Variants in TMOD3 observed in about 807,000 individuals in gnomAD.
TMOD3 encodes the protein tropomodulin-3.
A neutral mutation model predicts 39.2 loss-of-function variants in TMOD3; 20 were observed. The observed-to-expected ratio is 0.51, with a 90% CI of 0.36 to 0.74. TMOD3 has a LOEUF of 0.74. TMOD3 is among the 30% of genes least tolerant of loss of function. The pLI, the probability that TMOD3 is intolerant of heterozygous loss-of-function variation, is 0.00. For missense variants in TMOD3, 381 were observed against 412.8 expected (o/e 0.92, Z 0.67); for synonymous variants, 143 against 145.8 (o/e 0.98, Z 0.14).
intron 1 of TMOD3, among the ~76,000 whole-genome samples, chr15:51,832,203 T>TTATATATATATATATATATATATATA (rs3985812): frequency 0.014 from 1,096 of 78,740 alleles, 55 homozygotes; most frequent in Non-Finnish European, 0.019. Context: ...AGAAAAAAAA[T>TTATATATATATATATATATATATATA]TATATATATA....
In TMOD3 at chr15:51,888,066, A is replaced by G. The variant is rs576899693; in HGVS notation, c.406+355A>G. Among the ~76,000 whole-genome samples the G allele has an allele frequency of 1.2e-4, 19 of 152,368 alleles. No individual in the cohort carries two copies. In the East Asian group the frequency reaches 2.3e-3, roughly 19 times the overall value. ...AGTCTTCAGGGTCAACCGCTGACCTACTTTATCAGAAGACCGAGAGATGAG... is the reference window on the plus strand; with the variant it reads ...AGTCTTCAGGGTCAACCGCTGACCTGCTTTATCAGAAGACCGAGAGATGAG... On this transcript the variant is annotated intron_variant, in intron 4 of 9. Transcript: ENST00000308580.
rs759399045 is a variant in TMOD3 at position 51,869,364 on chromosome 15, GA to G, written c.282del (p.Ile97TyrfsTer23). The G allele has an allele frequency of 3.7e-6, 6 of 1,602,342 alleles. No homozygotes were observed. Among genetic ancestry groups the G allele is most frequent in the South Asian group, 3.4e-5 (3 of 88,334 alleles). ...DREDYVPYTG[E>X]KKGKIFIPKQ... ...GGAAGACTATGTGCCCTACACTGGA[GA>G]AAAAAAAGGTAAGCCCCAGAATTTT... On this transcript the variant is annotated frameshift_variant, in exon 3 of 10. Transcript: ENST00000308580. LOFTEE classifies it high-confidence loss of function.
At chr15:51,893,294 C>CAAAAAAAAAAA (rs59321162) in intron 5 of TMOD3, among the ~76,000 whole-genome samples, 2 of 58,992 alleles carry the variant, frequency 3.4e-5, no homozygotes, top group Non-Finnish European at 5.8e-5. Flanking sequence ...GACTCCATCT[C>CAAAAAAAAAAA]AAAAAAAAAA....
At chr15:51,877,892 GT>G (rs918051724) in intron 3 of TMOD3, among the ~76,000 whole-genome samples, 94 of 148,076 alleles carry the variant, frequency 6.3e-4, no homozygotes, top group South Asian at 2.4e-3. Context: ...GCTTTCAGAA[GT>G]TTTTTTTTTT....
intron 3 of TMOD3, among the ~76,000 whole-genome samples, chr15:51,881,799 G>C (rs2593193): frequency 1.3e-5 from 2 of 151,594 alleles, no homozygotes; most frequent in Non-Finnish European, 2.9e-5. Flanking sequence ...CCTGACCTTA[G>C]GTGATCTGCC....
At chr15:51,896,289 G>C in intron 6 of TMOD3, 130 bp from the exon 7 acceptor site, 1 of 617,580 alleles carries the variant, frequency 1.6e-6, no homozygotes, top group South Asian at 2.2e-5. Flanking sequence ...TTCATTTGTA[G>C]ACTAATTCTT....
At chr15:51,864,734 G>T (rs2554330) in intron 2 of TMOD3, among the ~76,000 whole-genome samples, 7,419 of 152,184 alleles carry the variant, frequency 0.049, 417 homozygotes, top group African/African-American at 0.12. Flanking sequence ...CAGGCTCAGG[G>T]CTATGTAACT....
intron 3 of TMOD3, among the ~76,000 whole-genome samples, chr15:51,886,643 G>A (rs1305995411): frequency 6.6e-6 from 1 of 152,106 alleles, no homozygotes; most frequent in Non-Finnish European, 1.5e-5. Context: ...CTGGGCATCA[G>A]AGGGAGACCG....
At chr15:51,848,608 A>G (rs1333320272) in intron 1 of TMOD3, among the ~76,000 whole-genome samples, 1 of 152,224 alleles carries the variant, frequency 6.6e-6, no homozygotes, top group Non-Finnish European at 1.5e-5. Flanking sequence ...ATTGAAGCAG[A>G]TACTTGGGAA....
intron 3 of TMOD3, among the ~76,000 whole-genome samples, chr15:51,875,860 C>T (rs1381869516): frequency 1.3e-5 from 2 of 152,100 alleles, no homozygotes; most frequent in East Asian, 3.9e-4. Context: ...CCTCGTGATC[C>T]ACCCACCTTG....
chr15:51,859,543 T>C, intron 1 of TMOD3: 1 of 621,166 alleles, frequency 1.6e-6, no homozygotes, highest in Non-Finnish European at 3.1e-6. Flanking sequence ...TCCAGGTACT[T>C]ATCCTTCAGG....
At chr15:51,878,949 C>G (rs2056518922) in intron 3 of TMOD3, among the ~76,000 whole-genome samples, 1 of 152,296 alleles carries the variant, frequency 6.6e-6, no homozygotes, top group South Asian at 2.1e-4. Flanking sequence ...TTTATATACT[C>G]AGCAAGGGTG....
intron 3 of TMOD3, among the ~76,000 whole-genome samples, chr15:51,887,124 G>C (rs2056568550): frequency 6.6e-6 from 1 of 151,590 alleles, no homozygotes; most frequent in South Asian, 2.1e-4. Flanking sequence ...GAGGCTGAGA[G>C]GCAGAAGAAT....
intron 9 of TMOD3, among the ~76,000 whole-genome samples, chr15:51,906,010 A>C (rs1282569139): frequency 6.7e-6 from 1 of 149,544 alleles, no homozygotes; most frequent in Non-Finnish European, 1.5e-5. Flanking sequence ...AGAATTGTTA[A>C]TAGGGCAAAA....
At chr15:51,881,859 T>C (rs1322058122) in intron 3 of TMOD3, among the ~76,000 whole-genome samples, 1 of 152,000 alleles carries the variant, frequency 6.6e-6, no homozygotes, top group African/African-American at 2.4e-5. Context: ...CCTAAGAGTT[T>C]TATAGTTTAG....
intron 5 of TMOD3, among the ~76,000 whole-genome samples, chr15:51,891,647 C>T (rs1298064206): frequency 3.3e-5 from 5 of 152,160 alleles, no homozygotes; most frequent in African/African-American, 1.2e-4. Flanking sequence ...AGATTTCTCT[C>T]CCCATTCCAT....
At chr15:51,879,443 T>G (rs1236641848) in intron 3 of TMOD3, among the ~76,000 whole-genome samples, 8 of 152,114 alleles carry the variant, frequency 5.3e-5, no homozygotes, top group Admixed American at 5.2e-4. Context: ...ATTTGAGTTT[T>G]GGATTTTGCT....
At chr15:51,879,327 G>A (rs1378774355) in intron 3 of TMOD3, among the ~76,000 whole-genome samples, 2 of 151,524 alleles carry the variant, frequency 1.3e-5, no homozygotes, top group Non-Finnish European at 2.9e-5. Flanking sequence ...GGGGGTGGGG[G>A]ATGTATCATT....
intron 4 of TMOD3, among the ~76,000 whole-genome samples, chr15:51,888,727 TAATG>T (rs1170980300): frequency 6.6e-6 from 1 of 152,212 alleles, no homozygotes; most frequent in Non-Finnish European, 1.5e-5. Context: ...CTTGTGAAAT[TAATG>T]AACGGCAAAA....
Sources: gnomAD v4.1 joint callset for allele counts (sites outside exome capture counted in the v4.1 genomes callset) on GRCh38, gnomAD v4.1.1 for gene constraint, MANE v1.5 for transcripts, NCBI Gene and HGNC (gene_info 2026-07-23, HGNC 2026-07-21) for gene names.